The following MYO6 variants were observed in gnomAD, a reference collection of about 807,000 sequenced individuals.
The protein encoded by MYO6 is unconventional myosin-VI.
A neutral mutation model predicts 178.7 loss-of-function variants in MYO6; 74 were observed. That is an observed-to-expected ratio of 0.41 (90% confidence interval 0.34 to 0.50). The LOEUF (loss-of-function observed/expected upper bound fraction) is 0.50, where lower values mean the gene tolerates loss of function less well. MYO6 is among the 20% of genes least tolerant of loss of function. The pLI is 0.09. For missense variants in MYO6, 1,330 were observed against 1,547.4 expected (o/e 0.86, Z 2.36); for synonymous variants, 477 against 504.6 (o/e 0.95, Z 0.73).
intron 6 of MYO6, among the ~76,000 whole-genome samples, chr6:75,835,376 A>T (rs1275045662): frequency 6.6e-6 from 1 of 152,188 alleles, no homozygotes. Flanking sequence ...TGTGACACAG[A>T]GGTTTGGGGT....
chr6:75,777,046 A>G (rs746046756), intron 1 of MYO6, among the ~76,000 whole-genome samples: 24 of 152,294 alleles, frequency 1.6e-4, no homozygotes, highest in African/African-American at 4.3e-4. Flanking sequence ...CTCTCTTAAC[A>G]GTGCTTTAGC....
Position 75,891,314 on chromosome 6 carries a change from CT to C in MYO6, c.2946+10del, listed in dbSNP as rs779567933. On this transcript the variant is annotated intron_variant, in intron 27 of 34. Transcript: ENST00000369977. ...GATGAAAAACGCATTCAAGTATGTA[CT>C]TACTGGGTTGAATTTCTATTAAAAT... The C allele has an allele frequency of 3.1e-6, 5 of 1,590,318 alleles. No individual in the cohort carries two copies. The African/African-American group carries it at 5.4e-5, about 17-fold the overall frequency.
intron 1 of MYO6, among the ~76,000 whole-genome samples, chr6:75,812,638 C>T (rs1365053597): frequency 4.0e-5 from 6 of 149,726 alleles, no homozygotes; most frequent in African/African-American, 1.5e-4. Flanking sequence ...TACTCCCTAT[C>T]TTCATGAGTT....
chr6:75,804,948 CAT>C (rs1349514697), intron 1 of MYO6, among the ~76,000 whole-genome samples: 2 of 143,410 alleles, frequency 1.4e-5, no homozygotes, highest in South Asian at 2.2e-4. Flanking sequence ...CATATATACA[CAT>C]ATGTACACAT....
chr6:75,896,358 C>T (rs1273205387), intron 29 of MYO6, among the ~76,000 whole-genome samples: 1 of 152,144 alleles, frequency 6.6e-6, no homozygotes, highest in Non-Finnish European at 1.5e-5. Context: ...ACATGATAAG[C>T]GATCAGATGT....
chr6:75,914,322 A>G (rs1303040758), intron 34 of MYO6, 41 bp downstream of exon 34: 8 of 1,563,828 alleles, frequency 5.1e-6, no homozygotes, highest in Non-Finnish European at 7.1e-6. Flanking sequence ...TAGAACAAAA[A>G]AGATCATAAA....
intron 23 of MYO6, among the ~76,000 whole-genome samples, chr6:75,882,107 T>G (rs1778082813): frequency 6.6e-6 from 1 of 152,032 alleles, no homozygotes. Context: ...TCCCCTAATC[T>G]CTCAGACTTA....
At chr6:75,808,428 C>T (rs1176639397) in intron 1 of MYO6, among the ~76,000 whole-genome samples, 3 of 152,084 alleles carry the variant, frequency 2.0e-5, no homozygotes, top group African/African-American at 7.2e-5. Flanking sequence ...TGATTAGAAC[C>T]CTACCCTTCT....
chr6:75,857,176 G>C lies in MYO6; in HGVS notation c.1303G>C (p.Val435Leu). ...KTVYSHLFDH[V>L]VNRVNQCFPF... ...AGTGTATAGCCATCTTTTTGATCAT[G>C]TGGTAAACAGAGTAAATCAGTGTTT... The change falls in exon 13 of 35, where the codon GTG becomes CTG. Residue 435 changes from valine to leucine, a missense_variant. Val to Leu is a conservative substitution (Grantham distance 32, BLOSUM62 1). This residue lies in a region of MYO6 where 613 missense variants were observed against 816.8 expected (regional missense o/e 0.75). Transcript: ENST00000369977. 1 of 1,613,976 alleles carries C rather than the reference G, an allele frequency of 6.2e-7. No individual in the cohort carries two copies. Among genetic ancestry groups the C allele is most frequent in the South Asian group, 1.1e-5 (1 of 91,078 alleles).
At chr6:75,822,251 T>A (rs1771962272) in intron 2 of MYO6, among the ~76,000 whole-genome samples, 1 of 151,948 alleles carries the variant, frequency 6.6e-6, no homozygotes, top group African/African-American at 2.4e-5. Context: ...GGGTGCTGCA[T>A]CACGCCTGGC....
At chr6:75,877,761 A>G (rs1777679007) in intron 20 of MYO6, among the ~76,000 whole-genome samples, 1 of 152,078 alleles carries the variant, frequency 6.6e-6, no homozygotes, top group Non-Finnish European at 1.5e-5. Context: ...TAGAAGGCAG[A>G]GTATTTGCCT....
At chr6:75,758,274 A>C (rs1174799835) in intron 1 of MYO6, among the ~76,000 whole-genome samples, 1 of 152,172 alleles carries the variant, frequency 6.6e-6, no homozygotes, top group Non-Finnish European at 1.5e-5. Context: ...GAGGGCTTCA[A>C]CAAGATTAAC....
At chr6:75,837,264 A>T (rs1773733114) in intron 7 of MYO6, among the ~76,000 whole-genome samples, 1 of 152,344 alleles carries the variant, frequency 6.6e-6, no homozygotes, top group South Asian at 2.1e-4. Flanking sequence ...AAACTATTTT[A>T]TCCCTACTTT....
At chr6:75,911,016 C>G (rs1380596300) in intron 32 of MYO6, among the ~76,000 whole-genome samples, 2 of 151,974 alleles carry the variant, frequency 1.3e-5, no homozygotes, top group African/African-American at 4.8e-5. Context: ...GCATAAGGAG[C>G]CTCAGACCCT....
At chr6:75,754,462 G>A (rs1436991532) in intron 1 of MYO6, among the ~76,000 whole-genome samples, 1 of 129,424 alleles carries the variant, frequency 7.7e-6, no homozygotes, top group Non-Finnish European at 1.6e-5. Flanking sequence ...GGAAGTTGCA[G>A]TGCACTGAGA....
At position 75,892,671 on chromosome 6, in the gene MYO6, G is replaced by T; in HGVS notation, c.3088G>T (p.Ala1030Ser). The change falls in exon 28 of 35, where the codon GCC (alanine) becomes TCC (serine). Residue 1030 changes from alanine to serine, a missense_variant. Transcript: ENST00000369977. Reference sequence around the variant, plus strand: ...CGAGCTCATCAGTGATGAGGCCCAGGCCGACCTGGCGCTGCGGAGGTACTG... The same window carrying T: ...CGAGCTCATCAGTGATGAGGCCCAGTCCGACCTGGCGCTGCGGAGGTACTG... The part of the protein sequence containing the change: ...EAELISDEAQ[A>S]DLALRRNDGT... 1 of 1,612,424 alleles carries T rather than the reference G, an allele frequency of 6.2e-7. No homozygotes were observed. The highest frequency in any genetic ancestry group is 8.5e-7 in the Non-Finnish European group (1 of 1,179,982).
chr6:75,813,018 A>G (rs1228050707), intron 1 of MYO6, among the ~76,000 whole-genome samples: 1 of 152,202 alleles, frequency 6.6e-6, no homozygotes, highest in Non-Finnish European at 1.5e-5. Flanking sequence ...AGGAACCTGC[A>G]AACTGTTCTC....
intron 19 of MYO6, 136 bp downstream of exon 19, chr6:75,870,821 GT>G (rs910652306): frequency 5.6e-5 from 37 of 663,220 alleles, no homozygotes; most frequent in African/African-American, 4.2e-4. Context: ...TAAAAAATTA[GT>G]TTTTTTTCTG....
chr6:75,911,924 T>C (rs1182304741), intron 33 of MYO6, among the ~76,000 whole-genome samples: 1 of 152,054 alleles, frequency 6.6e-6, no homozygotes, highest in East Asian at 1.9e-4. Flanking sequence ...ATTAATGTTT[T>C]ATCAAATTAC....
Sources: allele counts gnomAD v4.1 joint callset (sites outside exome capture counted in the v4.1 genomes callset), GRCh38; gene constraint gnomAD v4.1.1; regional missense constraint gnomAD v4.1.1; transcripts MANE v1.5; gene names NCBI Gene and HGNC (gene_info 2026-07-23, HGNC 2026-07-21).